The following CNTLN variants were observed in gnomAD, a reference collection of about 807,000 sequenced individuals.
CNTLN encodes the protein centlein.
CNTLN carries 212 observed loss-of-function variants against 180.0 expected under a neutral mutation model. That is an observed-to-expected ratio of 1.18 (90% CI 1.05 to 1.32). The LOEUF (loss-of-function observed/expected upper bound fraction) is 1.32, where lower values mean the gene tolerates loss of function less well. Ranked by LOEUF, CNTLN falls within the 40% of genes most tolerant of loss-of-function variation. The pLI, the probability that CNTLN is intolerant of heterozygous loss-of-function variation, is 0.00. For synonymous variants in CNTLN, 722 were observed against 563.1 expected (o/e 1.28, Z -3.99); for missense variants, 2,095 against 1,610.9 (o/e 1.30, Z -5.14).
chr9:17,521,294 A>AGAGAGAGAGAGAGAGG, the CNTLN span, among the ~76,000 whole-genome samples: 1 of 150,634 alleles, frequency 6.6e-6, no homozygotes, highest in East Asian at 1.9e-4. Flanking sequence ...AGAGAGAGAG[A>AGAGAGAGAGAGAGAGG]GGAAATGGAA....
chr9:17,305,574 T>A (rs1587594713), intron 7 of CNTLN, among the ~76,000 whole-genome samples: 1 of 151,882 alleles, frequency 6.6e-6, no homozygotes, highest in Non-Finnish European at 1.5e-5. Flanking sequence ...TAAGATGGAA[T>A]CTACCCAGGG....
intron 22 of CNTLN, 101 bp downstream of exon 22, chr9:17,466,219 C>G: frequency 2.1e-6 from 2 of 963,506 alleles, no homozygotes; most frequent in Non-Finnish European, 1.6e-6. Flanking sequence ...CCACAAGCTA[C>G]TTAAACACTT....
chr9:17,307,231 G>C (rs1037291740), intron 7 of CNTLN, among the ~76,000 whole-genome samples: 1 of 152,072 alleles, frequency 6.6e-6, no homozygotes, highest in African/African-American at 2.4e-5. Context: ...ATAAAGTGAA[G>C]TGGATTATTT....
At chr9:17,150,878 T>C (rs1387483150) in intron 2 of CNTLN, among the ~76,000 whole-genome samples, 2 of 152,180 alleles carry the variant, frequency 1.3e-5, no homozygotes, top group African/African-American at 4.8e-5. Flanking sequence ...CCTTTGTAAG[T>C]TGTATTCCTA....
rs1818309467 is a variant in CNTLN at position 17,301,055 on chromosome 9, G to C, written c.1146+2703G>C. On this transcript the variant is annotated intron_variant, in intron 7 of 25. Transcript: ENST00000380647. ...AATATGGGAGCATAACTGGGGGCCT[G>C]TTCCAAGACTAAGGATAAAGAAAGC... The C allele has an allele frequency of 3.0e-6, 3 of 985,246 alleles. No homozygotes were observed. The African/African-American group carries it at 5.2e-5, about 17-fold the overall frequency. 61.0% of individuals were successfully genotyped at this position (985,246 alleles called of 1,614,324 possible). A position where few individuals can be genotyped will look rare whatever the true frequency, so the allele number is the denominator to read the frequency against.
At chr9:17,157,390 G>A (rs1586946282) in intron 2 of CNTLN, among the ~76,000 whole-genome samples, 1 of 152,132 alleles carries the variant, frequency 6.6e-6, no homozygotes, top group Admixed American at 6.5e-5. Flanking sequence ...GTGAGAAGAT[G>A]TCTGAAGAAT....
At chr9:17,246,904 C>T (rs1357684308) in intron 5 of CNTLN, among the ~76,000 whole-genome samples, 2 of 151,508 alleles carry the variant, frequency 1.3e-5, no homozygotes, top group East Asian at 1.9e-4. Context: ...TTTTCTGGTC[C>T]AGGGCATGGT....
At chr9:17,145,762 C>T (rs773109841) in intron 2 of CNTLN, among the ~76,000 whole-genome samples, 1 of 152,142 alleles carries the variant, frequency 6.6e-6, no homozygotes, top group Non-Finnish European at 1.5e-5. Flanking sequence ...ACTTATTACA[C>T]AGTTTCTAGG....
At chr9:17,141,667 G>A (rs760194204) in intron 1 of CNTLN, among the ~76,000 whole-genome samples, 1 of 152,164 alleles carries the variant, frequency 6.6e-6, no homozygotes, top group Non-Finnish European at 1.5e-5. Flanking sequence ...GGCAAGAGAC[G>A]GAATTGACTT....
Position 17,370,081 on chromosome 9 carries a change from A to G in CNTLN, c.1987+3364A>G, listed in dbSNP as rs560881264. 1.1e-4 allele frequency among the ~76,000 whole-genome samples: 17 copies of G among 152,280 alleles called. No homozygotes were observed. In the South Asian group the frequency reaches 3.5e-3, roughly 32 times the overall value. On this transcript the variant is annotated intron_variant, in intron 13 of 25. Coordinates refer to ENST00000380647, the MANE Select transcript of CNTLN (RefSeq NM_017738.4). ...TAATGAAATAGCCTCAAAAGGGAAA[A>G]TGTAGGAGTTATTGGCCTTAAACAG...
rs538044351 is a variant in CNTLN at position 17,278,331 on chromosome 9, A to G, written c.983+4465A>G. Among the ~76,000 whole-genome samples, 5 of 150,278 alleles carry G rather than the reference A, an allele frequency of 3.3e-5. No individual in the cohort carries two copies. In the East Asian group the frequency reaches 5.8e-4, roughly 17 times the overall value. ...CATTATTCCCTGTTAGTTTTTGCAT[A>G]TGAACTTTAGAGTAAACTTGCTTAT... On this transcript the variant is annotated intron_variant, in intron 6 of 25. Transcript: ENST00000380647.
At chr9:17,297,226 T>C (rs1461883278) in intron 6 of CNTLN, among the ~76,000 whole-genome samples, 1 of 152,252 alleles carries the variant, frequency 6.6e-6, no homozygotes, top group Non-Finnish European at 1.5e-5. Context: ...TTAGGTATTA[T>C]AAGTAATCTA....
At chr9:17,367,975 A>G (rs946897535) in intron 13 of CNTLN, among the ~76,000 whole-genome samples, 2 of 152,138 alleles carry the variant, frequency 1.3e-5, no homozygotes, top group Admixed American at 6.5e-5. Context: ...AGGGAAAAGT[A>G]AAGGGTAATT....
intron 2 of CNTLN, among the ~76,000 whole-genome samples, chr9:17,145,350 A>G (rs1433398217): frequency 6.6e-6 from 1 of 152,208 alleles, no homozygotes; most frequent in African/African-American, 2.4e-5. Flanking sequence ...GACTATGTAA[A>G]TACTTCCTAG....
Position 17,236,464 on chromosome 9 carries a change from A to G in CNTLN, c.725A>G (p.Asn242Ser), listed in dbSNP as rs748039038. 14 of 1,613,786 alleles carry G rather than the reference A, an allele frequency of 8.7e-6. No individual in the cohort carries two copies. The highest frequency in any genetic ancestry group is 1.2e-5 in the Non-Finnish European group (14 of 1,179,756). The change falls in exon 5 of 26, where the codon AAT becomes AGT. Residue 242 changes from asparagine to serine, a missense_variant. Physicochemically the swap from Asn to Ser is conservative, Grantham distance 46. Coordinates refer to ENST00000380647, the MANE Select transcript of CNTLN (RefSeq NM_017738.4). ...GAGCAAAACAGACTAGTTATAAAAA[A>G]TCTGGAGGAGGAAAACAAGAAATTA... ...KEEQNRLVIKNLEEENKKLST... is the reference protein window; with the variant it reads ...KEEQNRLVIKSLEEENKKLST...
At chr9:17,320,695 G>T (rs1303811923) in intron 8 of CNTLN, among the ~76,000 whole-genome samples, 4 of 151,664 alleles carry the variant, frequency 2.6e-5, no homozygotes, top group Non-Finnish European at 5.9e-5. Flanking sequence ...TAGACACGGG[G>T]TTTCACAACG....
intron 14 of CNTLN, 23 bp from the exon 15 acceptor site, chr9:17,394,511 A>T: frequency 1.4e-6 from 2 of 1,444,286 alleles, no homozygotes. Flanking sequence ...TGGATTCTTA[A>T]AAGAATAAAC....
intron 14 of CNTLN, among the ~76,000 whole-genome samples, chr9:17,393,926 A>G (rs1379277521): frequency 6.6e-6 from 1 of 152,184 alleles, no homozygotes; most frequent in Admixed American, 6.6e-5. Context: ...TAACACAAGC[A>G]TTGTTTATTG....
intron 18 of CNTLN, among the ~76,000 whole-genome samples, chr9:17,426,804 G>T (rs1286074386): frequency 6.6e-6 from 1 of 151,954 alleles, no homozygotes; most frequent in Non-Finnish European, 1.5e-5. Context: ...AATTAAAATT[G>T]TAATTCATTG....
Sources: allele counts gnomAD v4.1 joint callset (sites outside exome capture counted in the v4.1 genomes callset), GRCh38; gene constraint gnomAD v4.1.1; transcripts MANE v1.5; gene names NCBI Gene and HGNC (gene_info 2026-07-23, HGNC 2026-07-21).